Variants in RSPO3 observed in about 807,000 individuals in gnomAD.
RSPO3 encodes the protein R-spondin-3.
Under a neutral mutation model 36.5 loss-of-function variants are expected in RSPO3, and 17 were observed. The ratio of observed to expected loss-of-function variants is 0.47; its 90% CI spans 0.32 to 0.70. The LOEUF is 0.70. RSPO3 is among the 30% of genes least tolerant of loss of function. The pLI is 0.04. For synonymous variants in RSPO3, 108 were observed against 107.0 expected, an observed-to-expected ratio of 1.01 and a Z score of -0.06; for missense variants, 294 against 322.5, an observed-to-expected ratio of 0.91 and a Z score of 0.68.
chr6:127,128,558 G>A (rs1231487976), intron 1 of RSPO3, among the ~76,000 whole-genome samples: 3 of 152,088 alleles, frequency 2.0e-5, no homozygotes, highest in Non-Finnish European at 2.9e-5. Flanking sequence ...TGAAAACCAT[G>A]CCAGTTTTGG....
At chr6:127,160,414 G>T in intron 4 of RSPO3, among the ~76,000 whole-genome samples, 1 of 152,180 alleles carries the variant, frequency 6.6e-6, no homozygotes, top group African/African-American at 2.4e-5. Flanking sequence ...GCTTAGCCCA[G>T]AAAAGAATTC....
At position 127,192,719 on chromosome 6, in the gene RSPO3, G is replaced by A. The variant is rs552663188; in HGVS notation, c.635-3104G>A. On this transcript the variant is annotated intron_variant, in intron 4 of 4. Coordinates refer to ENST00000356698, the MANE Select transcript of RSPO3 (RefSeq NM_032784.5). Reference sequence around the variant, plus strand: ...AAACCCAGTTCAGGCAGGTACGTGCGTGTACACATGCACACAAACATGAAT... The same window carrying A: ...AAACCCAGTTCAGGCAGGTACGTGCATGTACACATGCACACAAACATGAAT... The A allele has an allele frequency of 3.9e-5, 38 of 977,466 alleles. No homozygotes were observed. In the East Asian group the frequency reaches 5.7e-4, roughly 15 times the overall value. 60.5% of individuals were successfully genotyped at this position (977,466 alleles called of 1,614,324 possible).
intron 1 of RSPO3, among the ~76,000 whole-genome samples, chr6:127,144,474 A>G (rs1774339734): frequency 6.6e-6 from 1 of 152,132 alleles, no homozygotes. Context: ...TCATAAGGCA[A>G]TTACCACAGT....
At chr6:127,135,618 ATTTGC>A (rs946130766) in intron 1 of RSPO3, among the ~76,000 whole-genome samples, 3 of 151,736 alleles carry the variant, frequency 2.0e-5, no homozygotes, top group African/African-American at 7.2e-5. Context: ...TCATGGCGCC[ATTTGC>A]TGCAACAGAA....
intron 3 of RSPO3, among the ~76,000 whole-genome samples, chr6:127,151,718 C>T (rs900561771): frequency 1.8e-4 from 27 of 152,134 alleles, no homozygotes; most frequent in African/African-American, 5.8e-4. Context: ...TGGAAAACAA[C>T]AGTCTTGAAA....
intron 4 of RSPO3, among the ~76,000 whole-genome samples, chr6:127,184,958 A>G (rs1330302833): frequency 1.3e-5 from 2 of 151,984 alleles, no homozygotes; most frequent in East Asian, 3.9e-4. Context: ...ACAAACATAC[A>G]TACACATTTG....
intron 4 of RSPO3, among the ~76,000 whole-genome samples, chr6:127,172,163 A>AT (rs1259120050): frequency 1.3e-5 from 2 of 150,644 alleles, no homozygotes; most frequent in Admixed American, 1.3e-4. Context: ...TCACAAGCCT[A>AT]TATTAATCTG....
In RSPO3 at chr6:127,147,265, T is replaced by C. The variant is rs574743261; in HGVS notation, c.98-1383T>C. Among the ~76,000 whole-genome samples, 3 of 152,290 alleles carry C rather than the reference T, an allele frequency of 2.0e-5. No homozygotes were observed. In the South Asian group the frequency reaches 6.2e-4, roughly 32 times the overall value. On this transcript the variant is annotated intron_variant, in intron 1 of 4. Transcript: ENST00000356698. ...AAGGCTGTTTGGTCTTATAGGTACC[T>C]CTTCTAACTAAGCTTGGAGGGATTT... is the stretch of plus-strand genomic sequence containing the variant.
At chr6:127,121,069 C>T (rs560306995) in intron 1 of RSPO3, among the ~76,000 whole-genome samples, 1 of 152,316 alleles carries the variant, frequency 6.6e-6, no homozygotes, top group East Asian at 1.9e-4. Flanking sequence ...CAGCCCGTGC[C>T]CATTGGGCGT....
chr6:127,128,573 G>T (rs1261128571), intron 1 of RSPO3, among the ~76,000 whole-genome samples: 1 of 152,038 alleles, frequency 6.6e-6, no homozygotes, highest in Non-Finnish European at 1.5e-5. Flanking sequence ...TTTTGGGAAG[G>T]CTAGACAGAC....
intron 4 of RSPO3, among the ~76,000 whole-genome samples, chr6:127,187,507 T>C (rs865938525): frequency 2.6e-5 from 4 of 152,138 alleles, no homozygotes; most frequent in Admixed American, 2.0e-4. Context: ...TACCCTTTGA[T>C]AACAAGTAAG....
In RSPO3 at chr6:127,195,857, T is replaced by A. The variant is rs1378028721; in HGVS notation, c.669T>A (p.Pro223=). 1 of 1,588,104 alleles carries A rather than the reference T, an allele frequency of 6.3e-7. No individual in the cohort carries two copies. Among genetic ancestry groups the A allele is most frequent in the South Asian group, 1.2e-5 (1 of 86,322 alleles). Residue 223 remains proline (P), a synonymous_variant, in exon 5 of 5, where the codon CCT becomes CCA. Coordinates refer to ENST00000356698, the MANE Select transcript of RSPO3 (RefSeq NM_032784.5). Reference sequence around the variant, plus strand: ...GAAGGGAGAGGAAAAGAAAAAAACCTAATAAAGGAGAAAGTAAAGAAGCAA... The same window carrying A: ...GAAGGGAGAGGAAAAGAAAAAAACCAAATAAAGGAGAAAGTAAAGAAGCAA... ...KKGRERKRKK[P]NKGESKEAIP...
At chr6:127,171,379 C>G (rs941611348) in intron 4 of RSPO3, among the ~76,000 whole-genome samples, 1 of 151,694 alleles carries the variant, frequency 6.6e-6, no homozygotes, top group African/African-American at 2.4e-5. Flanking sequence ...TGTAGGGTAG[C>G]AAGAAATAAG....
At chr6:127,139,011 A>G (rs2256502) in intron 1 of RSPO3, among the ~76,000 whole-genome samples, 5,417 of 152,152 alleles carry the variant, frequency 0.036, 188 homozygotes, top group Middle Eastern at 0.12. Context: ...AGCCATGCAC[A>G]TAAGTATAAA....
At chr6:127,150,692 CTCCATCCTTCT>C in intron 3 of RSPO3, 120 bp downstream of exon 3, 1 of 831,778 alleles carries the variant, frequency 1.2e-6, no homozygotes, top group Admixed American at 2.7e-5. Context: ...TAAAGGCTGT[CTCCATCCTTCT>C]TTACAAAGAT....
At chr6:127,136,139 A>G (rs1207442522) in intron 1 of RSPO3, among the ~76,000 whole-genome samples, 1 of 152,188 alleles carries the variant, frequency 6.6e-6, no homozygotes, top group Non-Finnish European at 1.5e-5. Context: ...ACCAAATGCT[A>G]CACAGCAGAT....
At chr6:127,140,349 C>G (rs1435418644) in intron 1 of RSPO3, among the ~76,000 whole-genome samples, 16 of 152,118 alleles carry the variant, frequency 1.1e-4, no homozygotes, top group Admixed American at 8.5e-4. Flanking sequence ...TTCCCACACA[C>G]ACACTTACAC....
At chr6:127,192,488 T>G (rs1775431394) in intron 4 of RSPO3, among the ~76,000 whole-genome samples, 1 of 152,154 alleles carries the variant, frequency 6.6e-6, no homozygotes, top group African/African-American at 2.4e-5. Flanking sequence ...CACAACTAGT[T>G]GGTGGCAGAC....
intron 4 of RSPO3, among the ~76,000 whole-genome samples, chr6:127,181,878 C>T (rs573207834): frequency 6.3e-4 from 96 of 151,856 alleles, no homozygotes; most frequent in African/African-American, 2.2e-3. Flanking sequence ...TTTTGTATTG[C>T]TATAACAGAA....
Sources: gnomAD v4.1 joint callset for allele counts (sites outside exome capture counted in the v4.1 genomes callset) on GRCh38, gnomAD v4.1.1 for gene constraint, MANE v1.5 for transcripts, NCBI Gene and HGNC (gene_info 2026-07-23, HGNC 2026-07-21) for gene names.